Variants in SLC9B1 observed in about 807,000 individuals in gnomAD.
SLC9B1 encodes solute carrier family 9 member B1, also known as sodium/hydrogen exchanger 9B1.
In SLC9B1, 32 loss-of-function variants were observed where a neutral mutation model predicts 51.7. That is an observed-to-expected ratio of 0.62 (90% confidence interval 0.47 to 0.83). SLC9B1 has a LOEUF of 0.83. Ranked by LOEUF, SLC9B1 falls within the 40% of genes least tolerant of loss-of-function variation. The pLI is 0.00. For missense variants in SLC9B1, 406 were observed against 613.2 expected (o/e 0.66, Z 3.57); for synonymous variants, 145 against 212.7 (o/e 0.68, Z 2.77).
chr4:102,891,722 A>G (rs1312982618), intron 11 of SLC9B1: 1 of 152,246 alleles, frequency 6.6e-6, no homozygotes, highest in East Asian at 1.9e-4. Flanking sequence ...AATTTACTAC[A>G]TAATTATTTA....
At chr4:103,012,660 G>C (rs1466860431) in intron 1 of SLC9B1, among the ~76,000 whole-genome samples, 1 of 152,186 alleles carries the variant, frequency 6.6e-6, no homozygotes, top group Non-Finnish European at 1.5e-5. Flanking sequence ...CAAAATACTT[G>C]AGACTGAGTA....
intron 11 of SLC9B1, among the ~76,000 whole-genome samples, chr4:102,886,203 C>A (rs76611891): frequency 0.018 from 2,791 of 152,098 alleles, 79 homozygotes; most frequent in African/African-American, 0.061. Flanking sequence ...AACGAATACA[C>A]GCAGGCCAGG....
intron 7 of SLC9B1, among the ~76,000 whole-genome samples, chr4:102,926,064 T>G (rs1736154086): frequency 6.6e-6 from 1 of 152,290 alleles, no homozygotes; most frequent in Non-Finnish European, 1.5e-5. Context: ...TGCTAAAAAC[T>G]CTCAATAAAC....
intron 11 of SLC9B1, among the ~76,000 whole-genome samples, chr4:102,903,984 G>A (rs1195298669): frequency 3.9e-5 from 6 of 152,002 alleles, no homozygotes; most frequent in Admixed American, 3.9e-4. Flanking sequence ...AACAATAAAT[G>A]TGCATTTGTG....
intron 3 of SLC9B1, among the ~76,000 whole-genome samples, chr4:102,982,016 T>C (rs1427207234): frequency 1.3e-5 from 2 of 152,156 alleles, no homozygotes; most frequent in Non-Finnish European, 2.9e-5. Flanking sequence ...CCATCTACAT[T>C]TATAGATCTG....
At chr4:102,971,877 T>C (rs1738780600) in intron 3 of SLC9B1, among the ~76,000 whole-genome samples, 1 of 151,974 alleles carries the variant, frequency 6.6e-6, no homozygotes, top group Admixed American at 6.6e-5. Context: ...ACAAATAAAC[T>C]AGAAAATCTA....
At chr4:102,959,019 G>T (rs1307094472) in intron 3 of SLC9B1, among the ~76,000 whole-genome samples, 1 of 151,780 alleles carries the variant, frequency 6.6e-6, no homozygotes, top group African/African-American at 2.4e-5. Flanking sequence ...AAAACAAAAA[G>T]ACATGACACA....
At chr4:102,897,880 T>C (rs549029377), downstream of SLC9B1, 3 of 362,442 alleles carry the variant, frequency 8.3e-6, no homozygotes, top group African/African-American at 4.3e-5. Flanking sequence ...ATAAATATGC[T>C]ATGGAAGTTC....
In SLC9B1 at chr4:102,902,903, TTA is replaced by T. The variant is rs1734854554; in HGVS notation, c.1333-1573_1333-1572del. Among the ~76,000 whole-genome samples the T allele has an allele frequency of 2.0e-5, 3 of 152,310 alleles. No individual in the cohort carries two copies. The South Asian group carries it at 6.2e-4, about 32-fold the overall frequency. On this transcript the variant is annotated intron_variant, in intron 11 of 11. Coordinates refer to ENST00000296422, the MANE Select transcript of SLC9B1 (RefSeq NM_139173.4). ...AGAAAGAGCTGAACCTTAGCCAATTTTATGTTAGCAGCAGAGAACGGTGGAAG... is the reference window on the plus strand; with the variant it reads ...AGAAAGAGCTGAACCTTAGCCAATTTTGTTAGCAGCAGAGAACGGTGGAAG...
chr4:102,937,026 A>T (rs567140570), intron 6 of SLC9B1, among the ~76,000 whole-genome samples: 1 of 152,290 alleles, frequency 6.6e-6, no homozygotes, highest in Non-Finnish European at 1.5e-5. Flanking sequence ...TCACCTACAA[A>T]GGGAATCCCA....
At position 102,894,415 on chromosome 4, in the gene SLC9B1, T is replaced by A. The variant is rs540499510; in HGVS notation, c.1333-9087A>T. Among the ~76,000 whole-genome samples the A allele has an allele frequency of 2.0e-5, 3 of 152,272 alleles. No homozygotes were observed. In the South Asian group the frequency reaches 6.2e-4, roughly 32 times the overall value. On this transcript the variant is annotated intron_variant, in intron 11 of 11. Coordinates refer to the SLC9B1 transcript ENST00000394789. The stretch of plus-strand genomic sequence containing the variant: ...ATATATAGAAAACTTTTTGTGGATA[T>A]GATTATATGCCTAGGAAATCATAGA...
At chr4:102,966,049 A>G (rs1279648713) in intron 3 of SLC9B1, among the ~76,000 whole-genome samples, 1 of 152,244 alleles carries the variant, frequency 6.6e-6, no homozygotes, top group Non-Finnish European at 1.5e-5. Flanking sequence ...TGTTGGGCAT[A>G]GCCACATGGC....
Position 102,979,219 on chromosome 4 carries a change from A to T in SLC9B1, c.211+10581T>A, listed in dbSNP as rs1013980056. ...ATTTGCTCTTTGCCAAGATTGGAAT[A>T]GTAAGTAGTTAACCTGATTGGTGAG... On this transcript the variant is annotated intron_variant, in intron 3 of 11. Transcript: ENST00000296422. 2.0e-5 allele frequency among the ~76,000 whole-genome samples: 3 copies of T among 152,238 alleles called. No individual in the cohort carries two copies. The South Asian group carries it at 6.2e-4, about 31-fold the overall frequency.
chr4:102,906,374 C>T, intron 10 of SLC9B1, 162 bp downstream of exon 10: 1 of 414,434 alleles, frequency 2.4e-6, no homozygotes, highest in Non-Finnish European at 4.2e-6. Context: ...AAAGAGCACC[C>T]AGTGTAAAGG....
chr4:102,908,020 T>G (rs1443758627), intron 9 of SLC9B1, among the ~76,000 whole-genome samples: 2 of 152,156 alleles, frequency 1.3e-5, no homozygotes, highest in Admixed American at 6.5e-5. Context: ...CTATGATTTT[T>G]GGTTGGGGAA....
At position 102,892,431 on chromosome 4, in the gene SLC9B1, A is replaced by G. The variant is rs538656604; in HGVS notation, c.1333-7103T>C. The G allele has an allele frequency of 1.2e-4, 19 of 152,346 alleles. No individual in the cohort carries two copies. In the South Asian group the frequency reaches 3.9e-3, roughly 32 times the overall value. The allele number at this position is 152,346 out of a possible 1,614,324, so 9.4% of individuals were successfully genotyped here. ...AGCATCACTTTAATATAAAAAGTGT[A>G]CAGCTTATATTATTAGCAATTGTAC... On this transcript the variant is annotated intron_variant, in intron 11 of 11. Coordinates refer to the SLC9B1 transcript ENST00000394789.
intron 5 of SLC9B1, among the ~76,000 whole-genome samples, chr4:102,946,055 G>GA (rs1299774394): frequency 6.6e-6 from 1 of 152,026 alleles, no homozygotes; most frequent in African/African-American, 2.4e-5. Flanking sequence ...CCTAAAAAAA[G>GA]AAAAAGACTT....
chr4:102,992,203 C>A (rs181907092), intron 1 of SLC9B1, among the ~76,000 whole-genome samples: 1 of 152,202 alleles, frequency 6.6e-6, no homozygotes, highest in Admixed American at 6.5e-5. Flanking sequence ...GTAGGTCCAA[C>A]ATTTAAATAT....
intron 3 of SLC9B1, among the ~76,000 whole-genome samples, chr4:102,961,795 A>G (rs954929116): frequency 6.6e-6 from 1 of 152,208 alleles, no homozygotes; most frequent in African/African-American, 2.4e-5. Flanking sequence ...ATAGGTATAC[A>G]TGTGCCATGT....
Sources: allele counts gnomAD v4.1 joint callset (sites outside exome capture counted in the v4.1 genomes callset), GRCh38; gene constraint gnomAD v4.1.1; transcripts MANE v1.5; gene names NCBI Gene and HGNC (gene_info 2026-07-23, HGNC 2026-07-21).